The following SDC2 variants were observed in gnomAD, a reference collection of about 807,000 sequenced individuals.
The protein encoded by SDC2 is syndecan-2.
Under a neutral mutation model 22.2 loss-of-function variants are expected in SDC2, and 13 were observed. The ratio of observed to expected loss-of-function variants is 0.59; its 90% CI spans 0.38 to 0.93. SDC2 has a LOEUF of 0.93. Among genes scored for constraint, SDC2 ranks in the 40% least tolerant of loss-of-function variants. The pLI is 0.00. For synonymous variants in SDC2, 94 were observed against 92.8 expected (o/e 1.01, Z -0.07); for missense variants, 235 against 246.8 (o/e 0.95, Z 0.32).
At chr8:96,550,791 G>T (rs895334669) in intron 1 of SDC2, among the ~76,000 whole-genome samples, 7 of 152,168 alleles carry the variant, frequency 4.6e-5, no homozygotes, top group Non-Finnish European at 1.0e-4. Flanking sequence ...GTGCCCTTTT[G>T]TGATTATTTT....
intron 1 of SDC2, among the ~76,000 whole-genome samples, chr8:96,516,963 CG>C (rs1563645103): frequency 2.6e-5 from 4 of 152,086 alleles, no homozygotes; most frequent in Non-Finnish European, 2.9e-5. Context: ...TATATACCTA[CG>C]AGTGGAATTT....
chr8:96,589,410 G>GTTTT (rs1563672853), intron 1 of SDC2, among the ~76,000 whole-genome samples: 1 of 149,394 alleles, frequency 6.7e-6, no homozygotes, highest in Non-Finnish European at 1.5e-5. Flanking sequence ...TTGTTTGTTT[G>GTTTT]TTTGTTGTTT....
chr8:96,537,275 G>A (rs1813768635), intron 1 of SDC2: 1 of 152,112 alleles, frequency 6.6e-6, no homozygotes, highest in African/African-American at 2.4e-5. Flanking sequence ...GGTTTTAGCA[G>A]TTCTAATGTT....
chr8:96,595,877 C>A (rs2455049), intron 2 of SDC2, among the ~76,000 whole-genome samples: 139,933 of 152,244 alleles, frequency 0.92, 64,634 homozygotes, highest in Non-Finnish European at 0.97. Flanking sequence ...AGGGTTAAAC[C>A]TGGGCCCACA....
intron 1 of SDC2, among the ~76,000 whole-genome samples, chr8:96,520,926 A>T (rs6468509): frequency 0.45 from 68,661 of 152,014 alleles, 16,192 homozygotes; most frequent in Non-Finnish European, 0.52. Flanking sequence ...AAGAAGGCGG[A>T]GCTCTGGGAG....
intron 1 of SDC2, among the ~76,000 whole-genome samples, chr8:96,527,510 C>T (rs1180819773): frequency 2.0e-5 from 3 of 152,166 alleles, no homozygotes; most frequent in Admixed American, 6.5e-5. Flanking sequence ...TCCCCAGTGC[C>T]GTACTGCTGT....
chr8:96,582,617 T>TA (rs987088775), intron 1 of SDC2, among the ~76,000 whole-genome samples: 2 of 152,210 alleles, frequency 1.3e-5, no homozygotes, highest in Admixed American at 6.5e-5. Context: ...TGTGTCCACT[T>TA]ATAGGCTTTC....
chr8:96,608,812 TAA>T (rs897321426), intron 4 of SDC2, among the ~76,000 whole-genome samples: 5 of 152,126 alleles, frequency 3.3e-5, no homozygotes, highest in Admixed American at 2.0e-4. Flanking sequence ...CATTTCAAAA[TAA>T]AGAGAACGAA....
intron 1 of SDC2, among the ~76,000 whole-genome samples, chr8:96,547,806 G>T (rs1813959980): frequency 6.6e-6 from 1 of 151,792 alleles, no homozygotes; most frequent in Non-Finnish European, 1.5e-5. Flanking sequence ...TGTTGCCCAG[G>T]CTGGCATGCA....
chr8:96,600,277 A>T (rs181030581), intron 2 of SDC2, among the ~76,000 whole-genome samples: 3 of 152,312 alleles, frequency 2.0e-5, no homozygotes, highest in Non-Finnish European at 4.4e-5. Context: ...AGGAATTTAG[A>T]GGTATTTATC....
intron 1 of SDC2, among the ~76,000 whole-genome samples, chr8:96,568,684 A>T (rs1278952772): frequency 1.3e-5 from 2 of 152,264 alleles, no homozygotes; most frequent in African/African-American, 4.8e-5. Flanking sequence ...GGTGTGCTGA[A>T]CCCAGAGCTG....
At chr8:96,504,169 A>G (rs1480758588) in intron 1 of SDC2, among the ~76,000 whole-genome samples, 1 of 152,250 alleles carries the variant, frequency 6.6e-6, no homozygotes, top group East Asian at 1.9e-4. Flanking sequence ...TGGTTAACTG[A>G]AGGCATATTA....
chr8:96,542,903 A>G (rs570552979), intron 1 of SDC2, among the ~76,000 whole-genome samples: 1 of 152,270 alleles, frequency 6.6e-6, no homozygotes, highest in South Asian at 2.1e-4. Flanking sequence ...CCTGGTTTGG[A>G]TGATAAATAT....
chr8:96,519,214 T>A lies in SDC2; in HGVS notation c.60+24883T>A, dbSNP rs146720842. Among the ~76,000 whole-genome samples the A allele has an allele frequency of 9.2e-5, 14 of 152,308 alleles. No individual in the cohort carries two copies. The East Asian group carries it at 2.7e-3, about 29-fold the overall frequency. Reference sequence around the variant, plus strand: ...CCGACCCAGAGTGCCCAGAGTGCAGTGCTTCCTGTAATTCCCCAGAGAGCA... The same window carrying A: ...CCGACCCAGAGTGCCCAGAGTGCAGAGCTTCCTGTAATTCCCCAGAGAGCA... On this transcript the variant is annotated intron_variant, in intron 1 of 4. Coordinates refer to ENST00000302190, the MANE Select transcript of SDC2 (RefSeq NM_002998.4).
At chr8:96,530,404 C>T (rs1156826185) in intron 1 of SDC2, among the ~76,000 whole-genome samples, 1 of 152,184 alleles carries the variant, frequency 6.6e-6, no homozygotes. Flanking sequence ...GAGGCCCAGG[C>T]AGGTGCATCA....
intron 1 of SDC2, among the ~76,000 whole-genome samples, chr8:96,564,041 C>T (rs1256831423): frequency 1.3e-5 from 2 of 152,208 alleles, no homozygotes; most frequent in Non-Finnish European, 2.9e-5. Flanking sequence ...GGGATGCCAG[C>T]ATCTCTGTTG....
chr8:96,592,529 G>A (rs542256191), intron 1 of SDC2, among the ~76,000 whole-genome samples: 12 of 152,068 alleles, frequency 7.9e-5, no homozygotes, highest in Non-Finnish European at 1.8e-4. Flanking sequence ...GGGCTTTTGC[G>A]AGATAATGGT....
chr8:96,608,254 T>G, intron 3 of SDC2, 81 bp from the exon 4 acceptor site: 1 of 1,403,906 alleles, frequency 7.1e-7, no homozygotes, highest in Admixed American at 2.3e-5. Context: ...AAAAAAAATT[T>G]TGGAATATAC....
intron 2 of SDC2, among the ~76,000 whole-genome samples, chr8:96,601,352 C>T (rs1814980013): frequency 6.6e-6 from 1 of 151,952 alleles, no homozygotes; most frequent in Non-Finnish European, 1.5e-5. Context: ...CCTGTAAAAC[C>T]AGGAGAGGGC....
Sources: gnomAD v4.1 joint callset for allele counts (sites outside exome capture counted in the v4.1 genomes callset) on GRCh38, gnomAD v4.1.1 for gene constraint, MANE v1.5 for transcripts, NCBI Gene and HGNC (gene_info 2026-07-23, HGNC 2026-07-21) for gene names.